The following MEI1 variants were observed in gnomAD, a reference collection of about 807,000 sequenced individuals.
The protein encoded by MEI1 is meiotic double-stranded break formation protein 1.
MEI1 carries 103 observed loss-of-function variants against 146.2 expected under a neutral mutation model. That is an observed-to-expected ratio of 0.70 (90% CI 0.60 to 0.83). The LOEUF is 0.83. MEI1 is among the 40% of genes least tolerant of loss of function. The pLI is 0.00. For synonymous variants in MEI1, 652 were observed against 628.2 expected, an observed-to-expected ratio of 1.04 and a Z score of -0.57; for missense variants, 1,529 against 1,533.0, an observed-to-expected ratio of 1.00 and a Z score of 0.04.
intron 3 of MEI1, among the ~76,000 whole-genome samples, chr22:41,707,129 G>T (rs1271237397): frequency 6.6e-6 from 1 of 152,092 alleles, no homozygotes; most frequent in Non-Finnish European, 1.5e-5. Flanking sequence ...CTTGAACCCG[G>T]GAGGTGGAGG....
chr22:41,700,361 C>A (rs1304045676), intron 1 of MEI1, among the ~76,000 whole-genome samples: 2 of 152,240 alleles, frequency 1.3e-5, no homozygotes, highest in Non-Finnish European at 2.9e-5. Context: ...GACGGAGTCT[C>A]GCTCTGACAC....
At chr22:41,738,385 G>A (rs575521507) in intron 11 of MEI1, among the ~76,000 whole-genome samples, 2 of 152,172 alleles carry the variant, frequency 1.3e-5, no homozygotes, top group Admixed American at 6.5e-5. Context: ...TCAGGAGTTC[G>A]AGAACAGCCT....
rs956359737 is a variant in MEI1, at chr22:41,703,323, G to A, written c.175-8G>A. 2 of 1,611,324 alleles carry A rather than the reference G, an allele frequency of 1.2e-6. No homozygotes were observed. The highest frequency in any genetic ancestry group is 1.7e-6 in the Non-Finnish European group (2 of 1,178,792). ...TGCTATTGAATGTTTTTCTTCATTT[G>A]CTTCAAGTTAGTGCGCAAGAAGCAC... is the stretch of plus-strand genomic sequence containing the variant. On this transcript the variant is annotated splice_region_variant and splice_polypyrimidine_tract_variant and intron_variant, in intron 1 of 30. Transcript: ENST00000401548.
chr22:41,721,097 T>C (rs1387010439), intron 6 of MEI1, among the ~76,000 whole-genome samples: 1 of 151,358 alleles, frequency 6.6e-6, no homozygotes, highest in African/African-American at 2.4e-5. Flanking sequence ...GTATTTTTAG[T>C]AGAGATGGGG....
At chr22:41,756,894 G>T (rs940980666) in intron 17 of MEI1, among the ~76,000 whole-genome samples, 2 of 152,226 alleles carry the variant, frequency 1.3e-5, no homozygotes, top group African/African-American at 4.8e-5. Context: ...TTTGCTTAAA[G>T]GTCTTTCACA....
rs892846982 is a variant in MEI1, at chr22:41,758,440, T to A, written c.2027T>A (p.Phe676Tyr). 1.6e-5 allele frequency: 26 copies of A among 1,613,950 alleles called. No homozygotes were observed. Among genetic ancestry groups the A allele is most frequent in the Non-Finnish European group, 2.1e-5 (25 of 1,179,868 alleles). Residue 676 changes from phenylalanine to tyrosine, a missense_variant, in exon 18 of 31, where the codon TTC (phenylalanine) becomes TAC (tyrosine). Phe to Tyr is a conservative substitution (Grantham distance 22, BLOSUM62 3). Coordinates refer to ENST00000401548, the MANE Select transcript of MEI1 (RefSeq NM_152513.4). ...ISSRSPESLA[F>Y]LSDRQYMEGA... is the part of the protein sequence containing the mutation. ...AGCAGGAGCCCTGAAAGCCTTGCCT[T>A]CCTGTCTGATCGCCAGTACATGGAG...
At chr22:41,753,891 C>T in intron 16 of MEI1, 58 bp from the exon 17 acceptor site, 1 of 1,209,528 alleles carries the variant, frequency 8.3e-7, no homozygotes, top group African/African-American at 1.5e-5. Context: ...AGGGATAATG[C>T]TCTCCCAGCC....
In MEI1 at chr22:41,795,967, G is replaced by C. The variant is rs2076343931; in HGVS notation, c.3779+120G>C. ...AGTGTCCTCTCTCATGAAGAGGTGG[G>C]TGATGTTCTGCAAGGTGTGGCTTTG... On this transcript the variant is annotated intron_variant, in intron 30 of 30. Transcript: ENST00000401548. This position sits in a 1 kb window ranked among gnomAD's most constrained non-coding sequence, Gnocchi z 4.2. 6.8e-6 allele frequency: 11 copies of C among 1,611,816 alleles called. No individual in the cohort carries two copies. Among genetic ancestry groups the C allele is most frequent in the Non-Finnish European group, 9.3e-6 (11 of 1,179,596 alleles).
intron 18 of MEI1, among the ~76,000 whole-genome samples, chr22:41,761,792 C>G (rs1467966534): frequency 1.3e-5 from 2 of 152,212 alleles, no homozygotes; most frequent in Non-Finnish European, 2.9e-5. Flanking sequence ...CGTTCCTCCT[C>G]CCCAGCTCCT....
intron 3 of MEI1, among the ~76,000 whole-genome samples, chr22:41,706,695 CA>C (rs1281261997): frequency 2.0e-5 from 3 of 149,690 alleles, no homozygotes; most frequent in Non-Finnish European, 4.4e-5. Context: ...GCGTGGATGA[CA>C]AAGTGAGACC....
At chr22:41,737,491 G>A (rs2147671139) in intron 11 of MEI1, among the ~76,000 whole-genome samples, 2 of 151,630 alleles carry the variant, frequency 1.3e-5, no homozygotes, top group South Asian at 4.2e-4. Context: ...TGCCTGCCTC[G>A]GCCTTCCAAA....
chr22:41,721,237 C>CTTTTTTTTTTTTTTTTTTTTTTT (rs984702207), intron 6 of MEI1, among the ~76,000 whole-genome samples: 1 of 70,486 alleles, frequency 1.4e-5, no homozygotes, highest in African/African-American at 6.9e-5. Flanking sequence ...CACGCCCGTT[C>CTTTTTTTTTTTTTTTTTTTTTTT]TTTTTTTTTT....
At chr22:41,719,531 C>G (rs2070545342) in intron 6 of MEI1, among the ~76,000 whole-genome samples, 1 of 152,156 alleles carries the variant, frequency 6.6e-6, no homozygotes, top group Non-Finnish European at 1.5e-5. Flanking sequence ...GATAACAAAC[C>G]CACTCCCATG....
chr22:41,755,905 G>A (rs1304668212), intron 17 of MEI1, among the ~76,000 whole-genome samples: 1 of 152,002 alleles, frequency 6.6e-6, no homozygotes, highest in Non-Finnish European at 1.5e-5. Context: ...ACTTGGCCCT[G>A]GCAGGATGGA....
chr22:41,740,732 A>G (rs953167302), intron 11 of MEI1, among the ~76,000 whole-genome samples: 2 of 150,752 alleles, frequency 1.3e-5, no homozygotes, highest in African/African-American at 2.5e-5. Flanking sequence ...CCTGTCTCAA[A>G]AACAAAAACA....
intron 3 of MEI1, 145 bp downstream of exon 3, chr22:41,705,699 T>A: frequency 1.5e-6 from 1 of 663,098 alleles, no homozygotes; most frequent in Non-Finnish European, 2.6e-6. Context: ...ATTCAACATT[T>A]GTTTTTTACT....
Position 41,703,459 on chromosome 22 carries a change from G to A in MEI1, c.298+5G>A, listed in dbSNP as rs1461899124. ...ACTTCATAAGTGTGCTTTTTGGTAA[G>A]ATTAAGAGGGAAATTTGACATGAGT... On this transcript the variant is annotated splice_donor_5th_base_variant and intron_variant, in intron 2 of 30. Transcript: ENST00000401548. 6.4e-7 allele frequency: 1 copy of A among 1,557,062 alleles called. No individual in the cohort carries two copies. Among genetic ancestry groups the A allele is most frequent in the Non-Finnish European group, 8.7e-7 (1 of 1,151,876 alleles).
chr22:41,703,760 G>T (rs1429218741), intron 2 of MEI1, among the ~76,000 whole-genome samples: 1 of 152,104 alleles, frequency 6.6e-6, no homozygotes, highest in Non-Finnish European at 1.5e-5. Flanking sequence ...GAAGTGGGTA[G>T]ATCACTTGAG....
chr22:41,722,968 CT>C (rs950766975), intron 6 of MEI1, among the ~76,000 whole-genome samples: 8 of 152,142 alleles, frequency 5.3e-5, no homozygotes, highest in South Asian at 2.1e-4. Context: ...AATTTCTGGA[CT>C]TTTTTTTCCC....
Sources: gnomAD v4.1 joint callset for allele counts (sites outside exome capture counted in the v4.1 genomes callset) on GRCh38, gnomAD v4.1.1 for gene constraint, Gnocchi (gnomAD v3.1) non-coding constraint, MANE v1.5 for transcripts, NCBI Gene and HGNC (gene_info 2026-07-23, HGNC 2026-07-21) for gene names.